PIK3R5: variants seen among roughly 807,000 people sequenced by gnomAD.
PIK3R5 encodes the protein phosphoinositide-3-kinase regulatory subunit 5.
Under a neutral mutation model 94.9 loss-of-function variants are expected in PIK3R5, and 32 were observed. The ratio of observed to expected loss-of-function variants is 0.34; its 90% CI spans 0.25 to 0.45. PIK3R5 has a LOEUF of 0.45. Among genes scored for constraint, PIK3R5 ranks in the 20% least tolerant of loss-of-function variants. PIK3R5 has a pLI of 1.00. For synonymous variants in PIK3R5, 443 were observed against 479.4 expected (o/e 0.92, Z 0.99); for missense variants, 853 against 1,144.6 (o/e 0.75, Z 3.68).
At position 8,945,556 on chromosome 17, in the gene PIK3R5, T is replaced by C. The variant is rs1189245892; in HGVS notation, c.-14+20040A>G. Among the ~76,000 whole-genome samples, 1 of 152,134 alleles carries C rather than the reference T, an allele frequency of 6.6e-6. No homozygotes were observed. The highest frequency in any genetic ancestry group is 2.4e-5 in the African/African-American group (1 of 41,438). On this transcript the variant is annotated intron_variant, in intron 1 of 18. Transcript: ENST00000447110. This position sits in a 1 kb window ranked among gnomAD's most constrained non-coding sequence, Gnocchi z 4.0. ...ACCACCTTGCACTGGGAGTTTCTGC[T>C]AGACAGGAGGCAAAGCAGACATCTC...
intron 1 of PIK3R5, among the ~76,000 whole-genome samples, chr17:8,963,168 C>T (rs1484876921): frequency 6.6e-6 from 1 of 152,160 alleles, no homozygotes; most frequent in Non-Finnish European, 1.5e-5. Context: ...CACATTGGTT[C>T]AGGCTTTTAG....
At chr17:8,919,494 T>C (rs1260390351) in intron 1 of PIK3R5, among the ~76,000 whole-genome samples, 1 of 152,216 alleles carries the variant, frequency 6.6e-6, no homozygotes, top group African/African-American at 2.4e-5. Context: ...TGAGAATTTC[T>C]GGGGCTCTGT....
At chr17:8,901,725 C>T (rs890371622) in intron 5 of PIK3R5, among the ~76,000 whole-genome samples, 5 of 152,172 alleles carry the variant, frequency 3.3e-5, no homozygotes, top group South Asian at 2.1e-4. Flanking sequence ...ACTGCTTTTT[C>T]GCTCAACTAG....
intron 1 of PIK3R5, among the ~76,000 whole-genome samples, chr17:8,933,115 A>C (rs2091015426): frequency 6.6e-6 from 1 of 152,188 alleles, no homozygotes; most frequent in African/African-American, 2.4e-5. Context: ...CAAAACAAAA[A>C]AAGGACTTTC....
chr17:8,949,185 G>C (rs2091330963), intron 1 of PIK3R5, among the ~76,000 whole-genome samples: 1 of 152,208 alleles, frequency 6.6e-6, no homozygotes, highest in Admixed American at 6.5e-5. Flanking sequence ...GGGCTGGCAT[G>C]GTAGACTGTG....
At chr17:8,932,187 A>G (rs1384547146) in intron 1 of PIK3R5, among the ~76,000 whole-genome samples, 3 of 152,224 alleles carry the variant, frequency 2.0e-5, no homozygotes, top group Non-Finnish European at 4.4e-5. Flanking sequence ...GGAAAAATGG[A>G]CAGAGCAAGT....
rs2090875510 is a variant in PIK3R5 at position 8,925,952 on chromosome 17, G to A, written c.-13-14445C>T. Among the ~76,000 whole-genome samples, 1 of 152,182 alleles carries A rather than the reference G, an allele frequency of 6.6e-6. No homozygotes were observed. The highest frequency in any genetic ancestry group is 2.4e-5 in the African/African-American group (1 of 41,442). On this transcript the variant is annotated intron_variant, in intron 1 of 18. Coordinates refer to ENST00000447110, the MANE Select transcript of PIK3R5 (RefSeq NM_001142633.3). The surrounding 1 kb of genome is among the most constrained non-coding windows in gnomAD (Gnocchi z 5.1). Reference sequence around the variant, plus strand: ...GGTCTGGGCTACAGCTCTCTATTTGGGAGTTCACATGGTGCTGTGGTCACT... The same window carrying A: ...GGTCTGGGCTACAGCTCTCTATTTGAGAGTTCACATGGTGCTGTGGTCACT...
chr17:8,934,424 C>T (rs1038448825), intron 1 of PIK3R5, among the ~76,000 whole-genome samples: 16 of 152,118 alleles, frequency 1.1e-4, no homozygotes, highest in African/African-American at 3.4e-4. Context: ...TCAATGAATA[C>T]GTGGAGAGAT....
At chr17:8,902,070 A>AG (rs1312458972) in intron 5 of PIK3R5, among the ~76,000 whole-genome samples, 3 of 146,738 alleles carry the variant, frequency 2.0e-5, no homozygotes, top group East Asian at 3.9e-4. Flanking sequence ...CCAATTTGAT[A>AG]GGGGGGGAAG....
chr17:8,919,892 T>G (rs925380723), intron 1 of PIK3R5, among the ~76,000 whole-genome samples: 1 of 140,376 alleles, frequency 7.1e-6, no homozygotes. Flanking sequence ...TTCCTTCTTT[T>G]TTTTTTTTTT....
chr17:8,888,896 A>T lies in PIK3R5; in HGVS notation c.896-5T>A, dbSNP rs374862628. ...GCAGGATTTCCTGCAGGATGTCTGC[A>T]GGGAAGCAAGGCCAGCACTGTCTGG... is the stretch of plus-strand genomic sequence containing the variant. On this transcript the variant is annotated splice_region_variant and splice_polypyrimidine_tract_variant and intron_variant, in intron 9 of 18. Transcript: ENST00000447110. The surrounding 1 kb of genome is among the most constrained non-coding windows in gnomAD (Gnocchi z 7.8). 26 of 1,592,250 alleles carry T rather than the reference A, an allele frequency of 1.6e-5. No homozygotes were observed. Among genetic ancestry groups the T allele is most frequent in the Admixed American group, 1.0e-4 (6 of 59,636 alleles).
chr17:8,888,548 G>T lies in PIK3R5; in HGVS notation c.1239C>A (p.Gly413=). The change falls in exon 10 of 19, where the codon GGC becomes GGA. Residue 413 remains glycine (G), a synonymous_variant. Transcript: ENST00000447110. This position sits in a 1 kb window ranked among gnomAD's most constrained non-coding sequence, Gnocchi z 7.8. The part of the protein sequence containing the change: ...PWRRGSQERR[G]HRRPGQKFIR... The stretch of plus-strand genomic sequence containing the variant: ...TGAACTTCTGCCCAGGCCTGCGGTG[G>T]CCTCGGCGTTCCTGGCTGCCACGCC... 6.2e-7 allele frequency: 1 copy of T among 1,611,852 alleles called. No individual in the cohort carries two copies. Among genetic ancestry groups the T allele is most frequent in the Admixed American group, 1.7e-5 (1 of 59,904 alleles).
rs548045818 is a variant in PIK3R5, at chr17:8,952,429, G to T, written c.-14+13167C>A. ...CACACGGTATACCCAAAATTTCCTT[G>T]ATAGAGACACCTCATAAAAGGTGAA... is the stretch of plus-strand genomic sequence containing the variant. On this transcript the variant is annotated intron_variant, in intron 1 of 18. Transcript: ENST00000447110. 2.6e-5 allele frequency among the ~76,000 whole-genome samples: 4 copies of T among 152,222 alleles called. No homozygotes were observed. The South Asian group carries it at 8.3e-4, about 31-fold the overall frequency.
intron 14 of PIK3R5, among the ~76,000 whole-genome samples, chr17:8,885,998 TTCCCGTGGCCCCACC>T (rs552936702): frequency 8.2e-4 from 107 of 130,632 alleles, no homozygotes; most frequent in African/African-American, 3.0e-3. Flanking sequence ...TAACCCTACC[TTCCCGTGGCCCCACC>T]TCCCGTATCC....
intron 1 of PIK3R5, among the ~76,000 whole-genome samples, chr17:8,940,715 C>T (rs770674537): frequency 6.6e-6 from 1 of 152,146 alleles, no homozygotes; most frequent in Non-Finnish European, 1.5e-5. Context: ...CATGAGCCAT[C>T]ATGCCTGGCT....
rs2090054789 is a variant in PIK3R5, at chr17:8,892,644, TACTAA to T, written c.482+937_482+941del. 7.9e-5 allele frequency among the ~76,000 whole-genome samples: 12 copies of T among 152,364 alleles called. No individual in the cohort carries two copies. In the South Asian group the frequency reaches 2.5e-3, roughly 32 times the overall value. On this transcript the variant is annotated intron_variant, in intron 6 of 18. Transcript: ENST00000447110. This position sits in a 1 kb window ranked among gnomAD's most constrained non-coding sequence, Gnocchi z 4.3. Reference sequence around the variant, plus strand: ...CTCCCCCAGAGGAATCTTATTTACTTACTAAACTACAACATTTTAGCATCCTTTCC... The same window carrying T: ...CTCCCCCAGAGGAATCTTATTTACTTACTACAACATTTTAGCATCCTTTCC...
At chr17:8,898,331 A>G (rs1168604007) in intron 5 of PIK3R5, among the ~76,000 whole-genome samples, 1 of 152,260 alleles carries the variant, frequency 6.6e-6, no homozygotes, top group East Asian at 1.9e-4. Flanking sequence ...GTATGAAGCC[A>G]TATTAAGCAA....
At chr17:8,883,264 A>G (rs1452647264) in intron 15 of PIK3R5, among the ~76,000 whole-genome samples, 1 of 152,206 alleles carries the variant, frequency 6.6e-6, no homozygotes, top group Non-Finnish European at 1.5e-5. Context: ...GCTACTCAGG[A>G]GGCTGAGGCA....
At chr17:8,891,778 G>A (rs1361179777) in intron 6 of PIK3R5, among the ~76,000 whole-genome samples, 1 of 143,980 alleles carries the variant, frequency 6.9e-6, no homozygotes, top group Non-Finnish European at 1.5e-5. Flanking sequence ...TTTTTTTTTT[G>A]TATTTTTAGT....
Sources: allele counts gnomAD v4.1 joint callset (sites outside exome capture counted in the v4.1 genomes callset), GRCh38; gene constraint gnomAD v4.1.1; non-coding constraint Gnocchi (gnomAD v3.1); transcripts MANE v1.5; gene names NCBI Gene and HGNC (gene_info 2026-07-23, HGNC 2026-07-21).